NELL1: variants seen among roughly 807,000 people sequenced by gnomAD.
NELL1 encodes the protein neural EGFL like 1, also known as protein kinase C-binding protein NELL1.
A neutral mutation model predicts 107.4 loss-of-function variants in NELL1; 76 were observed. The observed-to-expected ratio is 0.71, with a 90% CI of 0.59 to 0.86. The LOEUF (loss-of-function observed/expected upper bound fraction) is 0.86, where lower values mean the gene tolerates loss of function less well. Ranked by LOEUF, NELL1 falls within the 40% of genes least tolerant of loss-of-function variation. The pLI, the probability that NELL1 is intolerant of heterozygous loss-of-function variation, is 0.00. For missense variants in NELL1, 1,024 were observed against 1,005.5 expected (o/e 1.02, Z -0.25); for synonymous variants, 353 against 341.2 (o/e 1.03, Z -0.38).
At chr11:21,454,504 T>C (rs539599779) in intron 15 of NELL1, among the ~76,000 whole-genome samples, 8 of 152,222 alleles carry the variant, frequency 5.3e-5, no homozygotes, top group Non-Finnish European at 1.0e-4. Context: ...CATTTCTCCA[T>C]ATCTTATAAA....
chr11:21,350,884 A>T (rs754432478), intron 14 of NELL1, among the ~76,000 whole-genome samples: 1 of 152,158 alleles, frequency 6.6e-6, no homozygotes, highest in Non-Finnish European at 1.5e-5. Context: ...ACCTAAAAAA[A>T]TATGTCCAAG....
At chr11:21,016,926 G>A (rs1852578865) in intron 12 of NELL1, among the ~76,000 whole-genome samples, 1 of 152,086 alleles carries the variant, frequency 6.6e-6, no homozygotes, top group East Asian at 1.9e-4. Context: ...CACTTTTTAT[G>A]AGCTATGTTA....
chr11:21,509,417 G>T (rs934139490), intron 15 of NELL1, among the ~76,000 whole-genome samples: 2 of 152,136 alleles, frequency 1.3e-5, no homozygotes, highest in African/African-American at 2.4e-5. Flanking sequence ...GAGCAGGATT[G>T]TTCATAGCTT....
At position 20,847,736 on chromosome 11, in the gene NELL1, C is replaced by G. The variant is rs532927509; in HGVS notation, c.489C>G (p.Leu163=). 3 of 1,611,898 alleles carry G rather than the reference C, an allele frequency of 1.9e-6. No individual in the cohort carries two copies. Among genetic ancestry groups the G allele is most frequent in the Admixed American group, 1.7e-5 (1 of 59,668 alleles). ...ALSVSASHLL[L]HVDCNRIYER... is the part of the protein sequence containing the mutation. ...CAGTTAGCGCCTCTCATCTCCTGCT[C>G]CATGTCGACTGTAACAGGTATTTCT... Residue 163 remains leucine, a synonymous_variant, in exon 4 of 20, where the codon CTC becomes CTG. Transcript: ENST00000357134.
chr11:20,901,022 C>T lies in NELL1; in HGVS notation c.603+15482C>T, dbSNP rs184714577. Among the ~76,000 whole-genome samples, 10 of 152,130 alleles carry T rather than the reference C, an allele frequency of 6.6e-5. 1 individual carries two copies. The highest frequency in any genetic ancestry group is 2.2e-4 in the African/African-American group (9 of 41,520). Reference sequence around the variant, plus strand: ...AAACATACATCAAATATCATACTTACGGTTTAAATATTAAGAGAATTCCTG... The same window carrying T: ...AAACATACATCAAATATCATACTTATGGTTTAAATATTAAGAGAATTCCTG... On this transcript the variant is annotated intron_variant, in intron 5 of 19. Coordinates refer to ENST00000357134, the MANE Select transcript of NELL1 (RefSeq NM_006157.5).
In NELL1 at chr11:20,974,155, CTGGAACA is replaced by C. The variant is rs1851556979; in HGVS notation, c.1300+13596_1300+13602del. On this transcript the variant is annotated intron_variant, in intron 12 of 19. Transcript: ENST00000357134. ...TTTTCCCTAGCACCTCGGACAGTTC[CTGGAACA>C]GAGTGGGTGCTCAGTAAGTATTCGT... is the stretch of plus-strand genomic sequence containing the variant. Among the ~76,000 whole-genome samples, 3 of 152,186 alleles carry C rather than the reference CTGGAACA, an allele frequency of 2.0e-5. No individual in the cohort carries two copies. The South Asian group carries it at 6.2e-4, about 31-fold the overall frequency.
chr11:21,428,552 C>A (rs932363361), intron 15 of NELL1, among the ~76,000 whole-genome samples: 3 of 152,080 alleles, frequency 2.0e-5, no homozygotes, highest in Non-Finnish European at 2.9e-5. Flanking sequence ...TAAAATGTTT[C>A]AGATTAATTT....
intron 14 of NELL1, among the ~76,000 whole-genome samples, chr11:21,333,090 T>C (rs1590845013): frequency 2.0e-5 from 3 of 152,050 alleles, no homozygotes; most frequent in Admixed American, 6.6e-5. Flanking sequence ...CTTAAGGTCA[T>C]TCTTGGGTGA....
At chr11:20,817,806 T>C (rs1318393693) in intron 3 of NELL1, among the ~76,000 whole-genome samples, 1 of 148,022 alleles carries the variant, frequency 6.8e-6, no homozygotes, top group Non-Finnish European at 1.5e-5. Flanking sequence ...TCCCAGATAT[T>C]TTGATATGTT....
chr11:20,878,016 A>T (rs563418850), intron 4 of NELL1, among the ~76,000 whole-genome samples: 1 of 152,144 alleles, frequency 6.6e-6, no homozygotes, highest in Non-Finnish European at 1.5e-5. Context: ...ATACATTTAG[A>T]CTGATTACAA....
At chr11:21,420,900 A>T (rs1852648807) in intron 15 of NELL1, among the ~76,000 whole-genome samples, 1 of 152,156 alleles carries the variant, frequency 6.6e-6, no homozygotes, top group African/African-American at 2.4e-5. Context: ...GAAATTGATG[A>T]CTTCAAAATA....
chr11:21,268,199 C>T (rs1021161112), intron 14 of NELL1, among the ~76,000 whole-genome samples: 4 of 151,998 alleles, frequency 2.6e-5, no homozygotes, highest in African/African-American at 9.7e-5. Flanking sequence ...TTGCTTTAGG[C>T]TTATAGACTA....
chr11:21,299,827 T>C, intron 14 of NELL1, among the ~76,000 whole-genome samples: 1 of 152,134 alleles, frequency 6.6e-6, no homozygotes. Context: ...TTTTGAATAC[T>C]TTTATATAAC....
chr11:21,380,209 G>C (rs550194188), intron 15 of NELL1, among the ~76,000 whole-genome samples: 5 of 152,154 alleles, frequency 3.3e-5, no homozygotes, highest in African/African-American at 1.2e-4. Flanking sequence ...CTGATGCTCA[G>C]AAAGGAGTAA....
chr11:20,973,976 C>A (rs1851553505), intron 12 of NELL1, among the ~76,000 whole-genome samples: 1 of 152,202 alleles, frequency 6.6e-6, no homozygotes, highest in African/African-American at 2.4e-5. Flanking sequence ...ATGCTTCCAG[C>A]ATTGTGTGAA....
chr11:21,455,852 T>C (rs1283573599), intron 15 of NELL1, among the ~76,000 whole-genome samples: 1 of 148,322 alleles, frequency 6.7e-6, no homozygotes, highest in African/African-American at 2.5e-5. Flanking sequence ...TTTCTTTTCT[T>C]TTCTTACTTT....
rs116384075 is a variant in NELL1, at chr11:21,000,667, C to G, written c.1300+40107C>G. 6.4e-3 allele frequency among the ~76,000 whole-genome samples: 970 copies of G among 152,274 alleles called. 7 individuals carry two copies. The highest frequency in any genetic ancestry group is 0.022 in the African/African-American group (926 of 41,556). On this transcript the variant is annotated intron_variant, in intron 12 of 19. Coordinates refer to ENST00000357134, the MANE Select transcript of NELL1 (RefSeq NM_006157.5). ...ACATTTGACCGGGATTTATATAGAT[C>G]AAATTAATTGCTTTTCTGCAAGATA...
At chr11:21,312,077 T>C (rs1245927015) in intron 14 of NELL1, among the ~76,000 whole-genome samples, 1 of 152,134 alleles carries the variant, frequency 6.6e-6, no homozygotes, top group Admixed American at 6.6e-5. Flanking sequence ...TGCCAGCACC[T>C]TGATTTTGGA....
At position 20,975,735 on chromosome 11, in the gene NELL1, GTATGTATTATATA is replaced by G. The variant is rs1564995262; in HGVS notation, c.1300+15176_1300+15188del. 5.1e-3 allele frequency among the ~76,000 whole-genome samples: 462 copies of G among 90,224 alleles called. 44 individuals carry two copies. Among genetic ancestry groups the G allele is most frequent in the Middle Eastern group, 0.028 (2 of 72 alleles). 59.2% of individuals were successfully genotyped at this position (90,224 alleles called of 152,430 possible). Reference sequence around the variant, plus strand: ...ACATATTATATATGTATTATATAATGTATGTATTATATAATATACATATTATATATGTATTATA... The same window carrying G: ...ACATATTATATATGTATTATATAATGATATACATATTATATATGTATTATA... On this transcript the variant is annotated intron_variant, in intron 12 of 19. Coordinates refer to ENST00000357134, the MANE Select transcript of NELL1 (RefSeq NM_006157.5).
Sources: gnomAD v4.1 joint callset for allele counts (sites outside exome capture counted in the v4.1 genomes callset) on GRCh38, gnomAD v4.1.1 for gene constraint, MANE v1.5 for transcripts, NCBI Gene and HGNC (gene_info 2026-07-23, HGNC 2026-07-21) for gene names.